Variants in MYH10 observed in about 807,000 individuals in gnomAD.
The protein encoded by MYH10 is myosin-10.
Under a neutral mutation model 257.8 loss-of-function variants are expected in MYH10, and 55 were observed. The ratio of observed to expected loss-of-function variants is 0.21; its 90% CI spans 0.17 to 0.27. The LOEUF is 0.27. Among genes scored for constraint, MYH10 ranks in the 10% least tolerant of loss-of-function variants. The pLI is 1.00. For missense variants in MYH10, 1,631 were observed against 2,500.6 expected (o/e 0.65, Z 7.42); for synonymous variants, 854 against 921.7 (o/e 0.93, Z 1.33).
chr17:8,523,380 A>G (rs1406655384), intron 17 of MYH10, among the ~76,000 whole-genome samples: 2 of 152,272 alleles, frequency 1.3e-5, no homozygotes, highest in Non-Finnish European at 2.9e-5. Context: ...TTGTAATTAA[A>G]AAGAGTGAGA....
At chr17:8,561,644 A>T (rs1597833415) in intron 7 of MYH10, 1 of 46,332 alleles carries the variant, frequency 2.2e-5, no homozygotes, top group Non-Finnish European at 3.9e-5. Flanking sequence ...AATTGTACTT[A>T]AAAAAAAAAA....
intron 24 of MYH10, 53 bp from the exon 25 acceptor site, chr17:8,510,002 A>G: frequency 1.3e-6 from 2 of 1,532,484 alleles, no homozygotes; most frequent in Non-Finnish European, 1.8e-6. Context: ...TTGACCACAC[A>G]TTCATTGTGC....
chr17:8,503,237 CGCACCATCGTGCTCCGGCCTGG>C (rs1443875485), intron 28 of MYH10, among the ~76,000 whole-genome samples: 141 of 152,114 alleles, frequency 9.3e-4, no homozygotes, highest in African/African-American at 3.1e-3. Flanking sequence ...GAGCCGAGAT[CGCACCATCGTGCTCCGGCCTGG>C]GCAACAAGAG....
At chr17:8,597,620 A>ATTTTTTTTTTT (rs5819201) in intron 3 of MYH10, among the ~76,000 whole-genome samples, 1 of 145,794 alleles carries the variant, frequency 6.9e-6, no homozygotes, top group Non-Finnish European at 1.5e-5. Flanking sequence ...TAGTTTACTC[A>ATTTTTTTTTTT]TTTTTTTTTT....
rs1321690699 is a variant in MYH10, at chr17:8,618,822, AC to A, written c.345+4079del. Among the ~76,000 whole-genome samples, 6 of 152,344 alleles carry A rather than the reference AC, an allele frequency of 3.9e-5. No homozygotes were observed. The East Asian group carries it at 9.6e-4, about 24-fold the overall frequency. On this transcript the variant is annotated intron_variant, in intron 2 of 42. Transcript: ENST00000360416. ...ATATCAGAAAGGTTTTTAAGTATTG[AC>A]ATGCTGTCAAGTTCATGGTGCTAGA...
chr17:8,481,579 G>T, intron 37 of MYH10, 169 bp from the exon 38 acceptor site: 1 of 586,010 alleles, frequency 1.7e-6, no homozygotes. Flanking sequence ...GCTCGGTGCA[G>T]GCCAGCCAGG....
At chr17:8,501,289 T>A (rs1193592654) in intron 28 of MYH10, among the ~76,000 whole-genome samples, 3 of 151,094 alleles carry the variant, frequency 2.0e-5, no homozygotes, top group African/African-American at 7.3e-5. Context: ...ACCCTATCTT[T>A]AAAAAAAAAC....
intron 1 of MYH10, among the ~76,000 whole-genome samples, chr17:8,629,546 G>C (rs1316906634): frequency 6.6e-6 from 1 of 151,916 alleles, no homozygotes; most frequent in African/African-American, 2.4e-5. Flanking sequence ...GCTTCCCAGG[G>C]CCGCATCCGC....
intron 3 of MYH10, among the ~76,000 whole-genome samples, 183 bp from the exon 4 acceptor site, chr17:8,589,291 C>T (rs550287065): frequency 1.0e-5 from 1 of 99,628 alleles, no homozygotes; most frequent in South Asian, 3.6e-4. Flanking sequence ...CTCATATCTC[C>T]TATTATTATG....
chr17:8,489,704 A>AG (rs1915428172), intron 35 of MYH10, among the ~76,000 whole-genome samples: 1 of 2,902 alleles, frequency 3.4e-4, no homozygotes, highest in African/African-American at 5.4e-4. Context: ...ACTCCGTCTG[A>AG]AAAAACACAC....
chr17:8,599,071 T>G (rs2084497298), intron 3 of MYH10, among the ~76,000 whole-genome samples: 1 of 152,210 alleles, frequency 6.6e-6, no homozygotes, highest in Non-Finnish European at 1.5e-5. Context: ...GCCACATAGA[T>G]GAGTGATTAA....
At chr17:8,581,522 C>T (rs1468949021) in intron 4 of MYH10, among the ~76,000 whole-genome samples, 2 of 152,104 alleles carry the variant, frequency 1.3e-5, no homozygotes, top group African/African-American at 2.4e-5. Flanking sequence ...CATACTTCAA[C>T]AATTGCTTAT....
Position 8,490,631 on chromosome 17 carries a change from G to C in MYH10, c.4672-79C>G. On this transcript the variant is annotated intron_variant, in intron 34 of 42. Transcript: ENST00000360416. This position sits in a 1 kb window ranked among gnomAD's most constrained non-coding sequence, Gnocchi z 4.1. ...GAACAGCAGTCTTACTGTTTTACAG[G>C]CCCACTCGTGGCATGCTGGCCACTT... is the stretch of plus-strand genomic sequence containing the variant. 1 of 1,448,644 alleles carries C rather than the reference G, an allele frequency of 6.9e-7. No individual in the cohort carries two copies. The highest frequency in any genetic ancestry group is 9.6e-7 in the Non-Finnish European group (1 of 1,037,168). 89.7% of individuals were successfully genotyped at this position (1,448,644 alleles called of 1,614,324 possible).
chr17:8,503,677 T>A (rs2080981934), intron 28 of MYH10, among the ~76,000 whole-genome samples: 1 of 152,204 alleles, frequency 6.6e-6, no homozygotes, highest in Admixed American at 6.5e-5. Flanking sequence ...ACAACCTGTT[T>A]CCCTCCTGGT....
At chr17:8,488,266 T>C (rs950236903) in intron 35 of MYH10, among the ~76,000 whole-genome samples, 2 of 152,120 alleles carry the variant, frequency 1.3e-5, no homozygotes, top group Non-Finnish European at 2.9e-5. Flanking sequence ...TAGGGAACTG[T>C]GCTCACACTG....
At chr17:8,523,717 G>C (rs1319055982) in intron 17 of MYH10, among the ~76,000 whole-genome samples, 7 of 152,212 alleles carry the variant, frequency 4.6e-5, no homozygotes, top group Non-Finnish European at 1.0e-4. Context: ...TCTAGGCGAT[G>C]AGGGCAGCTG....
At chr17:8,495,115 C>T in intron 31 of MYH10, 22 bp downstream of exon 31, 2 of 1,392,142 alleles carry the variant, frequency 1.4e-6, no homozygotes, top group East Asian at 2.3e-5. Flanking sequence ...ATTATAAAGA[C>T]CCCTTGCTCC....
Position 8,545,677 on chromosome 17 carries a change from ATGTTATACAGC to A in MYH10, c.1279-88_1279-78del. 1 of 1,477,674 alleles carries A rather than the reference ATGTTATACAGC, an allele frequency of 6.8e-7. No homozygotes were observed. The highest frequency in any genetic ancestry group is 9.2e-7 in the Non-Finnish European group (1 of 1,090,490). The allele number at this position is 1,477,674 out of a possible 1,614,324, so 91.5% of individuals were successfully genotyped here. A position where few individuals can be genotyped will look rare whatever the true frequency, so the allele number is the denominator to read the frequency against. ...ATAAATAGCTGTTTTACGGAATTTA[ATGTTATACAGC>A]ACTCAAAAAACCTGAGATGGCATTC... is the stretch of plus-strand genomic sequence containing the variant. On this transcript the variant is annotated intron_variant, in intron 12 of 42. Transcript: ENST00000360416. The surrounding 1 kb of genome is among the most constrained non-coding windows in gnomAD (Gnocchi z 4.7).
At chr17:8,486,916 G>A (rs1054013684) in intron 36 of MYH10, among the ~76,000 whole-genome samples, 1 of 152,100 alleles carries the variant, frequency 6.6e-6, no homozygotes, top group African/African-American at 2.4e-5. Context: ...GTATCAACAA[G>A]GTCAAAGGAA....
Sources: gnomAD v4.1 joint callset for allele counts (sites outside exome capture counted in the v4.1 genomes callset) on GRCh38, gnomAD v4.1.1 for gene constraint, Gnocchi (gnomAD v3.1) non-coding constraint, MANE v1.5 for transcripts, NCBI Gene and HGNC (gene_info 2026-07-23, HGNC 2026-07-21) for gene names.